Variants in TIAM2 observed in about 807,000 individuals in gnomAD.
TIAM2 encodes rho guanine nucleotide exchange factor TIAM2.
In TIAM2, 80 loss-of-function variants were observed where a neutral mutation model predicts 152.9. The observed-to-expected ratio is 0.52, with a 90% CI of 0.44 to 0.63. The LOEUF is 0.63. Among genes scored for constraint, TIAM2 ranks in the 30% least tolerant of loss-of-function variants. TIAM2 has a pLI of 0.00. For missense variants in TIAM2, 1,965 were observed against 2,120.1 expected (o/e 0.93, Z 1.44); for synonymous variants, 804 against 838.0 (o/e 0.96, Z 0.70).
intron 1 of TIAM2, among the ~76,000 whole-genome samples, chr6:155,032,365 A>T (rs1314051631): frequency 1.3e-5 from 2 of 152,190 alleles, no homozygotes. Flanking sequence ...GAAGATGCTG[A>T]TAGCAATCTA....
intron 15 of TIAM2, among the ~76,000 whole-genome samples, chr6:155,234,266 C>T (rs987209439): frequency 6.6e-6 from 1 of 152,116 alleles, no homozygotes; most frequent in African/African-American, 2.4e-5. Flanking sequence ...TCCTCACACT[C>T]CCAGCCCTAA....
chr6:155,155,169 G>A (rs143951343), intron 7 of TIAM2, among the ~76,000 whole-genome samples: 66 of 152,210 alleles, frequency 4.3e-4, no homozygotes, highest in African/African-American at 1.4e-3. Context: ...ATAGGGAGAT[G>A]GTGAAAGTGT....
chr6:155,080,097 C>G (rs761189991), intron 1 of TIAM2, among the ~76,000 whole-genome samples: 5 of 152,198 alleles, frequency 3.3e-5, no homozygotes, highest in Non-Finnish European at 7.3e-5. Context: ...ATTGATGAAT[C>G]ACAACCCAAA....
intron 14 of TIAM2, among the ~76,000 whole-genome samples, chr6:155,184,430 T>A (rs1254395675): frequency 2.0e-5 from 3 of 152,240 alleles, no homozygotes; most frequent in Admixed American, 6.5e-5. Flanking sequence ...AGTTTTGAGT[T>A]GATCATTCAT....
intron 2 of TIAM2, among the ~76,000 whole-genome samples, chr6:155,119,201 A>ATT (rs1482303913): frequency 6.6e-6 from 1 of 151,478 alleles, no homozygotes; most frequent in Non-Finnish European, 1.5e-5. Flanking sequence ...CGCCCGGCTA[A>ATT]TTTTTGTATT....
At chr6:155,078,868 T>G (rs1778006541) in intron 1 of TIAM2, among the ~76,000 whole-genome samples, 1 of 152,228 alleles carries the variant, frequency 6.6e-6, no homozygotes. Context: ...TTTTGTTTGC[T>G]TCTCCCTTTA....
intron 9 of TIAM2, among the ~76,000 whole-genome samples, chr6:155,176,534 G>T (rs1425502402): frequency 6.6e-6 from 1 of 152,152 alleles, no homozygotes; most frequent in Non-Finnish European, 1.5e-5. Context: ...GTTCCCAGCC[G>T]GATTGTGGTG....
In TIAM2 at chr6:155,195,842, C is replaced by T. The variant is rs1454576272; in HGVS notation, c.3064+12342C>T. ...GCTGAGGGAACAATCACATGTGCCC[C>T]GATGTGGCCTGTTTTTCGGCAGGTG... On this transcript the variant is annotated intron_variant, in intron 14 of 26. Transcript: ENST00000682666. 4.6e-5 allele frequency among the ~76,000 whole-genome samples: 7 copies of T among 152,146 alleles called. No homozygotes were observed. The East Asian group carries it at 7.7e-4, about 17-fold the overall frequency.
At chr6:155,039,884 T>A (rs1320360457) in intron 1 of TIAM2, among the ~76,000 whole-genome samples, 1 of 152,328 alleles carries the variant, frequency 6.6e-6, no homozygotes, top group East Asian at 1.9e-4. Context: ...TTCAGAAGAC[T>A]TGACAAGTAG....
At chr6:155,182,439 A>T (rs559321900) in intron 13 of TIAM2, 121 bp downstream of exon 13, 1 of 865,614 alleles carries the variant, frequency 1.2e-6, no homozygotes, top group African/African-American at 1.7e-5. Flanking sequence ...AATTTTAAAG[A>T]AAGTAAACGT....
chr6:155,081,460 T>G (rs1778059453), intron 1 of TIAM2, among the ~76,000 whole-genome samples: 1 of 151,000 alleles, frequency 6.6e-6, no homozygotes, highest in Non-Finnish European at 1.5e-5. Context: ...TTTTCAGAAA[T>G]TATGTCTAGT....
At chr6:155,232,841 C>A (rs923221726) in intron 15 of TIAM2, 2 of 152,118 alleles carry the variant, frequency 1.3e-5, no homozygotes, top group Non-Finnish European at 2.9e-5. Context: ...GGATCCTCCC[C>A]CAACATACTT....
intron 7 of TIAM2, among the ~76,000 whole-genome samples, chr6:155,163,793 C>G (rs1397230391): frequency 6.6e-6 from 1 of 152,188 alleles, no homozygotes; most frequent in Non-Finnish European, 1.5e-5. Context: ...AGTGAAAAAG[C>G]TGACTTGCAA....
At chr6:154,996,099 A>G (rs1029109766) in intron 1 of TIAM2, among the ~76,000 whole-genome samples, 9 of 152,352 alleles carry the variant, frequency 5.9e-5, no homozygotes, top group Non-Finnish European at 1.3e-4. Context: ...GTTTCTGTGA[A>G]AGCCGACACG....
At chr6:155,176,764 C>T in intron 9 of TIAM2, 52 bp from the exon 10 acceptor site, 3 of 1,588,974 alleles carry the variant, frequency 1.9e-6, no homozygotes, top group Non-Finnish European at 2.6e-6. Flanking sequence ...CGGTGGTTTC[C>T]TTCATTTGTT....
chr6:155,011,189 C>T (rs1005331045), intron 1 of TIAM2, among the ~76,000 whole-genome samples: 1 of 152,126 alleles, frequency 6.6e-6, no homozygotes, highest in African/African-American at 2.4e-5. Flanking sequence ...GGCGGTTATG[C>T]AATTTGTAAG....
chr6:155,215,091 C>T (rs9397235), intron 15 of TIAM2, among the ~76,000 whole-genome samples: 23,899 of 152,208 alleles, frequency 0.16, 2,087 homozygotes, highest in East Asian at 0.35. Flanking sequence ...AACGACTTCT[C>T]GTCTCTTATG....
At chr6:155,200,839 G>A (rs1236283368) in intron 14 of TIAM2, among the ~76,000 whole-genome samples, 1 of 152,072 alleles carries the variant, frequency 6.6e-6, no homozygotes, top group African/African-American at 2.4e-5. Context: ...GGAGGCAGAG[G>A]TTGCATTGAG....
chr6:155,005,263 C>A, intron 1 of TIAM2: 2 of 226,100 alleles, frequency 8.8e-6, no homozygotes, highest in Middle Eastern at 5.4e-4. Flanking sequence ...GCAGGCCAGG[C>A]ATCCTGAGTA....
Sources: gnomAD v4.1 joint callset for allele counts (sites outside exome capture counted in the v4.1 genomes callset) on GRCh38, gnomAD v4.1.1 for gene constraint, MANE v1.5 for transcripts, NCBI Gene and HGNC (gene_info 2026-07-23, HGNC 2026-07-21) for gene names.